MGAT5: variants seen among roughly 807,000 people sequenced by gnomAD.
MGAT5 encodes alpha-1,6-mannosylglycoprotein 6-beta-N-acetylglucosaminyltransferase, also known as alpha-1,6-mannosylglycoprotein 6-beta-N-acetylglucosaminyltransferase A.
In MGAT5, 30 loss-of-function variants were observed where a neutral mutation model predicts 94.3. That is an observed-to-expected ratio of 0.32 (90% CI 0.24 to 0.43). MGAT5 has a LOEUF of 0.43. Ranked by LOEUF, MGAT5 falls within the 20% of genes least tolerant of loss-of-function variation. The pLI, the probability that MGAT5 is intolerant of heterozygous loss-of-function variation, is 1.00. For missense variants in MGAT5, 691 were observed against 905.5 expected (o/e 0.76, Z 3.04); for synonymous variants, 310 against 322.9 (o/e 0.96, Z 0.43).
rs181895507 is a variant in MGAT5, at chr2:134,291,443, A to G, written c.406+20893A>G. 2.0e-5 allele frequency among the ~76,000 whole-genome samples: 3 copies of G among 152,310 alleles called. No homozygotes were observed. In the East Asian group the frequency reaches 5.8e-4, roughly 29 times the overall value. On this transcript the variant is annotated intron_variant, in intron 2 of 15. Coordinates refer to ENST00000281923, the MANE Select transcript of MGAT5 (RefSeq NM_002410.5). Reference sequence around the variant, plus strand: ...GAATTTTAGTCTCCAGAATTATGAGAAATAAAAGTCTGTGGTAATTTGTTA... The same window carrying G: ...GAATTTTAGTCTCCAGAATTATGAGGAATAAAAGTCTGTGGTAATTTGTTA...
At chr2:134,255,476 T>TAC (rs1183808281) in intron 1 of MGAT5, among the ~76,000 whole-genome samples, 1 of 145,010 alleles carries the variant, frequency 6.9e-6, no homozygotes, top group East Asian at 1.9e-4. Context: ...TACATATATA[T>TAC]ACATATATAC....
chr2:134,331,743 G>C lies in MGAT5; in HGVS notation c.574-4474G>C, dbSNP rs79315771. Among the ~76,000 whole-genome samples, 4 of 151,632 alleles carry C rather than the reference G, an allele frequency of 2.6e-5. No individual in the cohort carries two copies. In the East Asian group the frequency reaches 7.7e-4, roughly 29 times the overall value. Reference sequence around the variant, plus strand: ...GAAAGTGTGAAGGAAGGTGGTCATAGACAGCTGTAGGACGCTAGGGCTCTG... The same window carrying C: ...GAAAGTGTGAAGGAAGGTGGTCATACACAGCTGTAGGACGCTAGGGCTCTG... On this transcript the variant is annotated intron_variant, in intron 4 of 15. Coordinates refer to ENST00000281923, the MANE Select transcript of MGAT5 (RefSeq NM_002410.5).
intron 1 of MGAT5, among the ~76,000 whole-genome samples, chr2:134,172,621 C>T (rs962222463): frequency 1.3e-5 from 2 of 152,102 alleles, no homozygotes; most frequent in African/African-American, 2.4e-5. Flanking sequence ...CTCCTGACCT[C>T]GTGATTCTCC....
chr2:134,204,200 T>C (rs1222557512), intron 1 of MGAT5, among the ~76,000 whole-genome samples: 2 of 152,188 alleles, frequency 1.3e-5, no homozygotes, highest in African/African-American at 4.8e-5. Flanking sequence ...ATCTGTAGGG[T>C]TTGACAGCTC....
At chr2:134,197,873 G>A (rs1048897144) in intron 1 of MGAT5, among the ~76,000 whole-genome samples, 1 of 152,174 alleles carries the variant, frequency 6.6e-6, no homozygotes, top group Non-Finnish European at 1.5e-5. Flanking sequence ...AGGAGGAAGG[G>A]CAAGGAGGAA....
intron 15 of MGAT5, among the ~76,000 whole-genome samples, chr2:134,442,423 C>A (rs1685532954): frequency 1.3e-5 from 2 of 152,176 alleles, no homozygotes; most frequent in South Asian, 2.1e-4. Context: ...CTGCCCACAA[C>A]AATCTCCAAG....
chr2:134,140,030 A>T (rs141399483), intron 1 of MGAT5, among the ~76,000 whole-genome samples: 24 of 152,372 alleles, frequency 1.6e-4, no homozygotes, highest in African/African-American at 5.5e-4. Flanking sequence ...CTTGCTGGTG[A>T]TGAAGAAAAA....
At chr2:134,367,907 A>G (rs1221727309) in intron 10 of MGAT5, among the ~76,000 whole-genome samples, 2 of 152,244 alleles carry the variant, frequency 1.3e-5, no homozygotes, top group African/African-American at 4.8e-5. Context: ...GGAGCCCTTC[A>G]CAGCCATCAT....
upstream of MGAT5, chr2:134,253,047 A>G (rs1358396673): frequency 1.3e-5 from 2 of 152,230 alleles, no homozygotes; most frequent in Non-Finnish European, 2.9e-5. Flanking sequence ...ATGTCACAAT[A>G]TCTGGGATAT....
At chr2:134,174,041 C>G (rs1026117748) in intron 1 of MGAT5, among the ~76,000 whole-genome samples, 2 of 152,168 alleles carry the variant, frequency 1.3e-5, no homozygotes, top group East Asian at 3.9e-4. Flanking sequence ...TGAGATCATA[C>G]GAAGTCAGTT....
At chr2:134,290,574 C>A (rs1350080130) in intron 2 of MGAT5, among the ~76,000 whole-genome samples, 2 of 152,224 alleles carry the variant, frequency 1.3e-5, no homozygotes, top group Non-Finnish European at 2.9e-5. Context: ...CTCTCCAGAT[C>A]ATCCTTCATT....
intron 1 of MGAT5, among the ~76,000 whole-genome samples, chr2:134,191,118 T>A (rs1319013078): frequency 6.6e-6 from 1 of 152,274 alleles, no homozygotes; most frequent in Non-Finnish European, 1.5e-5. Context: ...TTCTGTATTA[T>A]GTGCCTGGCA....
intron 2 of MGAT5, among the ~76,000 whole-genome samples, chr2:134,276,845 G>C (rs918972569): frequency 1.3e-5 from 2 of 152,192 alleles, no homozygotes; most frequent in Admixed American, 6.5e-5. Flanking sequence ...GGCCCAGGGA[G>C]AAAGAATTTG....
chr2:134,155,890 C>A (rs1177125834), intron 1 of MGAT5, among the ~76,000 whole-genome samples: 1 of 152,160 alleles, frequency 6.6e-6, no homozygotes. Context: ...AATGTCCTTT[C>A]CTTCCGCAGG....
At chr2:134,137,579 G>A (rs898328800) in intron 1 of MGAT5, among the ~76,000 whole-genome samples, 7 of 152,196 alleles carry the variant, frequency 4.6e-5, no homozygotes, top group African/African-American at 1.4e-4. Context: ...TGAAAATGCT[G>A]AACATTTCCT....
At chr2:134,313,065 CACACACACACACACACACACACACACAT>C (rs1327605561) in intron 2 of MGAT5, among the ~76,000 whole-genome samples, 4 of 147,474 alleles carry the variant, frequency 2.7e-5, no homozygotes, top group East Asian at 4.0e-4. Flanking sequence ...CACACACACA[CACACACACACACACACACACACACACAT>C]ATCTGTCTGG....
intron 4 of MGAT5, 87 bp downstream of exon 4, chr2:134,318,826 CGTGTGGTATTTTTATGTGGA>C: frequency 1.1e-6 from 1 of 916,906 alleles, no homozygotes; most frequent in Non-Finnish European, 1.8e-6. Flanking sequence ...AGCTTGAAAA[CGTGTGGTATTTTTATGTGGA>C]GGACCTATGG....
intron 10 of MGAT5, among the ~76,000 whole-genome samples, chr2:134,394,770 A>G (rs1441807311): frequency 6.6e-6 from 1 of 152,144 alleles, no homozygotes; most frequent in East Asian, 1.9e-4. Context: ...TTCTTCCCTG[A>G]CAACTCTCAC....
intron 9 of MGAT5, among the ~76,000 whole-genome samples, chr2:134,361,225 A>G (rs1416523422): frequency 6.6e-6 from 1 of 152,180 alleles, no homozygotes; most frequent in Non-Finnish European, 1.5e-5. Context: ...CTGTGAATGG[A>G]TGTGGTGGAC....
Sources: allele counts gnomAD v4.1 joint callset (sites outside exome capture counted in the v4.1 genomes callset), GRCh38; gene constraint gnomAD v4.1.1; transcripts MANE v1.5; gene names NCBI Gene and HGNC (gene_info 2026-07-23, HGNC 2026-07-21).